Variants in MEMO1 observed in about 807,000 individuals in gnomAD.
MEMO1 encodes the protein protein MEMO1.
A neutral mutation model predicts 45.2 loss-of-function variants in MEMO1; 6 were observed. The ratio of observed to expected loss-of-function variants is 0.13; its 90% CI spans 0.07 to 0.26. The LOEUF is 0.26. Ranked by LOEUF, MEMO1 falls within the 10% of genes least tolerant of loss-of-function variation. MEMO1 has a pLI of 1.00. For missense variants in MEMO1, 184 were observed against 370.5 expected, an observed-to-expected ratio of 0.50 and a Z score of 4.13; for synonymous variants, 78 against 124.3, an observed-to-expected ratio of 0.63 and a Z score of 2.48.
intron 2 of MEMO1, among the ~76,000 whole-genome samples, chr2:32,005,275 G>A (rs1156659383): frequency 3.6e-5 from 5 of 138,900 alleles, no homozygotes; most frequent in Admixed American, 2.3e-4. Context: ...AGCTATGATC[G>A]AGCCACGGCA....
At chr2:31,943,598 T>A (rs1665867595) in intron 2 of MEMO1, among the ~76,000 whole-genome samples, 2 of 152,222 alleles carry the variant, frequency 1.3e-5, no homozygotes, top group Admixed American at 6.5e-5. Flanking sequence ...AAATTTGCTT[T>A]TATCGATTTA....
chr2:31,923,580 G>A (rs1276821369), intron 4 of MEMO1: 1 of 1,482,280 alleles, frequency 6.7e-7, no homozygotes, highest in Non-Finnish European at 9.0e-7. Context: ...GTGGGCTATA[G>A]AGAATGGTAA....
intron 6 of MEMO1, among the ~76,000 whole-genome samples, chr2:31,904,651 C>T (rs1022285566): frequency 6.6e-6 from 1 of 152,178 alleles, no homozygotes; most frequent in Non-Finnish European, 1.5e-5. Flanking sequence ...GTAATGCTCG[C>T]TGGCCCACCG....
intron 6 of MEMO1, among the ~76,000 whole-genome samples, chr2:31,894,333 C>T (rs765811263): frequency 6.6e-6 from 1 of 152,062 alleles, no homozygotes; most frequent in South Asian, 2.1e-4. Context: ...ACCTTCATTG[C>T]AAAAAGGGGA....
chr2:31,882,355 T>C (rs796516780), intron 8 of MEMO1, among the ~76,000 whole-genome samples: 77 of 152,148 alleles, frequency 5.1e-4, no homozygotes, highest in African/African-American at 1.8e-3. Flanking sequence ...ATATGCATGC[T>C]TAAGATCAAT....
At chr2:31,932,901 CTA>C (rs1427931910) in intron 3 of MEMO1, among the ~76,000 whole-genome samples, 1 of 152,128 alleles carries the variant, frequency 6.6e-6, no homozygotes, top group African/African-American at 2.4e-5. Context: ...TCTCTCCATA[CTA>C]TTTTTCCCTT....
intron 2 of MEMO1, among the ~76,000 whole-genome samples, chr2:31,965,577 C>A (rs888931181): frequency 2.0e-5 from 3 of 151,986 alleles, no homozygotes; most frequent in African/African-American, 7.3e-5. Context: ...GCCAGAAATA[C>A]CTGGGTATGT....
chr2:31,906,743 C>T (rs1178047465), intron 6 of MEMO1, among the ~76,000 whole-genome samples: 2 of 152,150 alleles, frequency 1.3e-5, no homozygotes, highest in Admixed American at 1.3e-4. Context: ...CAATTCCCTC[C>T]ATAATCTGGT....
intron 4 of MEMO1, chr2:31,923,815 T>C (rs1572695015): frequency 1.5e-5 from 21 of 1,445,024 alleles, no homozygotes; most frequent in Non-Finnish European, 1.8e-5. Context: ...CCTAAGTAAG[T>C]GTAATAAGGT....
intron 9 of MEMO1, 118 bp downstream of exon 9, chr2:31,869,730 T>C (rs977349224): frequency 8.2e-6 from 9 of 1,091,614 alleles, no homozygotes; most frequent in Admixed American, 3.7e-5. Flanking sequence ...TTAAAGATAC[T>C]AAAAAGAAAC....
rs183575502 is a variant in MEMO1 at position 31,974,459 on chromosome 2, A to T, written c.62-31076T>A. Among the ~76,000 whole-genome samples, 29 of 152,286 alleles carry T rather than the reference A, an allele frequency of 1.9e-4. 1 individual carries two copies. In the East Asian group the frequency reaches 4.8e-3, roughly 25 times the overall value. On this transcript the variant is annotated intron_variant, in intron 2 of 9. Transcript: ENST00000404530. Reference sequence around the variant, plus strand: ...TTTGCTTCTAAGTAAAAATTAAAACATTTGCGGCCGGGCACGGTGACTCAC... The same window carrying T: ...TTTGCTTCTAAGTAAAAATTAAAACTTTTGCGGCCGGGCACGGTGACTCAC...
intron 2 of MEMO1, among the ~76,000 whole-genome samples, chr2:31,977,368 G>A (rs1051644038): frequency 2.6e-5 from 4 of 152,112 alleles, no homozygotes; most frequent in African/African-American, 9.7e-5. Flanking sequence ...TCAATCATGT[G>A]CACTGTATAG....
chr2:31,900,684 T>A lies in MEMO1; in HGVS notation c.438-8550A>T, dbSNP rs530566474. On this transcript the variant is annotated intron_variant, in intron 6 of 9. Transcript: ENST00000404530. ...TCCCAGAACTTAAAGTACAATAATTTAAAAAAAAAAAAAGTTGCTCAACAT... is the reference window on the plus strand; with the variant it reads ...TCCCAGAACTTAAAGTACAATAATTAAAAAAAAAAAAAAGTTGCTCAACAT... 9.1e-4 allele frequency among the ~76,000 whole-genome samples: 129 copies of A among 142,208 alleles called. No individual in the cohort carries two copies. In the Middle Eastern group the frequency reaches 0.025, roughly 28 times the overall value. The allele number at this position is 142,208 out of a possible 152,430, so 93.3% of individuals were successfully genotyped here.
At chr2:31,982,019 C>T (rs1344065325) in intron 2 of MEMO1, among the ~76,000 whole-genome samples, 2 of 152,162 alleles carry the variant, frequency 1.3e-5, no homozygotes, top group Admixed American at 6.6e-5. Flanking sequence ...ATACAACTGG[C>T]CGGGCGCGGT....
chr2:31,970,468 T>C (rs1669251799), intron 2 of MEMO1, among the ~76,000 whole-genome samples: 1 of 152,198 alleles, frequency 6.6e-6, no homozygotes, highest in Non-Finnish European at 1.5e-5. Context: ...CATGGTTTTT[T>C]ATTGAATCAA....
rs189335332 is a variant in MEMO1 at position 31,982,418 on chromosome 2, C to T, written c.61+27769G>A. On this transcript the variant is annotated intron_variant, in intron 2 of 9. Coordinates refer to ENST00000404530, the MANE Select transcript of MEMO1 (RefSeq NM_001301833.4). ...CAGCCTGACCAACGTGGTGAAAGCCCGTCTCTACTAAAAATGCAAAAATTA... is the reference window on the plus strand; with the variant it reads ...CAGCCTGACCAACGTGGTGAAAGCCTGTCTCTACTAAAAATGCAAAAATTA... Among the ~76,000 whole-genome samples the T allele has an allele frequency of 1.6e-3, 235 of 150,824 alleles. 1 individual carries two copies. Among genetic ancestry groups the T allele is most frequent in the African/African-American group, 5.2e-3 (212 of 41,084 alleles).
At chr2:31,958,712 C>T (rs1667673096) in intron 2 of MEMO1, among the ~76,000 whole-genome samples, 1 of 152,206 alleles carries the variant, frequency 6.6e-6, no homozygotes. Flanking sequence ...AATGCAATGG[C>T]ACGATCTCAG....
At chr2:32,008,224 G>C (rs1397186852) in intron 2 of MEMO1, among the ~76,000 whole-genome samples, 1 of 152,224 alleles carries the variant, frequency 6.6e-6, no homozygotes, top group African/African-American at 2.4e-5. Flanking sequence ...GAATGTTCAA[G>C]AATCTATAGA....
intron 2 of MEMO1, among the ~76,000 whole-genome samples, chr2:31,950,161 A>C (rs958129546): frequency 6.6e-6 from 1 of 152,116 alleles, no homozygotes; most frequent in Admixed American, 6.5e-5. Context: ...CAGATGGATC[A>C]CCTGAGGTCA....
Sources: allele counts gnomAD v4.1 joint callset (sites outside exome capture counted in the v4.1 genomes callset), GRCh38; gene constraint gnomAD v4.1.1; transcripts MANE v1.5; gene names NCBI Gene and HGNC (gene_info 2026-07-23, HGNC 2026-07-21).